KHDRBS2: variants seen among roughly 807,000 people sequenced by gnomAD.
The protein encoded by KHDRBS2 is KH RNA binding domain containing, signal transduction associated 2.
Under a neutral mutation model 44.3 loss-of-function variants are expected in KHDRBS2, and 26 were observed. The observed-to-expected ratio is 0.59, with a 90% CI of 0.43 to 0.81. KHDRBS2 has a LOEUF of 0.81. KHDRBS2 is among the 40% of genes least tolerant of loss of function. The pLI is 0.00. For missense variants in KHDRBS2, 476 were observed against 433.1 expected (o/e 1.10, Z -0.88); for synonymous variants, 194 against 151.1 (o/e 1.28, Z -2.08).
chr6:61,841,699 A>G (rs1429858195), intron 6 of KHDRBS2, among the ~76,000 whole-genome samples: 1 of 152,202 alleles, frequency 6.6e-6, no homozygotes, highest in Non-Finnish European at 1.5e-5. Context: ...ATCATTTACA[A>G]CACTTAGCAT....
chr6:61,775,453 CA>C (rs1433961809), intron 6 of KHDRBS2, among the ~76,000 whole-genome samples: 15 of 152,108 alleles, frequency 9.9e-5, no homozygotes, highest in Non-Finnish European at 1.9e-4. Context: ...TCTCAGGATA[CA>C]AAAATCAATG....
intron 1 of KHDRBS2, among the ~76,000 whole-genome samples, chr6:62,243,602 T>C (rs1221466300): frequency 2.0e-5 from 2 of 100,292 alleles, no homozygotes; most frequent in East Asian, 5.1e-4. Flanking sequence ...ATCATACCTA[T>C]ACAAAAAAAA....
chr6:62,158,816 A>C lies in KHDRBS2; in HGVS notation c.219+18369T>G, dbSNP rs115076991. On this transcript the variant is annotated intron_variant, in intron 2 of 8. Coordinates refer to ENST00000281156, the MANE Select transcript of KHDRBS2 (RefSeq NM_152688.4). ...AAAAATAATGACCTATTTTTTTCAT[A>C]TTCTTGCTTTTTTTTTAAACCTTAG... Among the ~76,000 whole-genome samples, 937 of 152,038 alleles carry C rather than the reference A, an allele frequency of 6.2e-3. 10 individuals carry two copies. Among genetic ancestry groups the C allele is most frequent in the African/African-American group, 0.02 (827 of 41,506 alleles).
intron 4 of KHDRBS2, among the ~76,000 whole-genome samples, chr6:61,933,494 T>C (rs1562467808): frequency 6.6e-6 from 1 of 152,178 alleles, no homozygotes; most frequent in Non-Finnish European, 1.5e-5. Context: ...TGCTTAACCA[T>C]GGGGATACAT....
intron 6 of KHDRBS2, chr6:61,814,080 A>C (rs1788532547): frequency 2.2e-6 from 1 of 455,694 alleles, no homozygotes; most frequent in African/African-American, 2.0e-5. Context: ...GCTGTGGCTG[A>C]AAATTTATAC....
intron 2 of KHDRBS2, among the ~76,000 whole-genome samples, chr6:62,101,056 GCAAGA>G (rs374301086): frequency 1.1e-4 from 16 of 152,262 alleles, no homozygotes; most frequent in African/African-American, 3.9e-4. Flanking sequence ...CTTTTTTACA[GCAAGA>G]CAAGCATTAT....
intron 2 of KHDRBS2, among the ~76,000 whole-genome samples, chr6:62,069,888 G>A (rs1794584212): frequency 6.6e-6 from 1 of 151,724 alleles, no homozygotes; most frequent in East Asian, 1.9e-4. Context: ...ATATTTTATA[G>A]TAGTAAATGA....
At chr6:61,836,714 A>T (rs1364081359) in intron 6 of KHDRBS2, among the ~76,000 whole-genome samples, 1 of 151,998 alleles carries the variant, frequency 6.6e-6, no homozygotes, top group Non-Finnish European at 1.5e-5. Context: ...TAAAAGTAAT[A>T]ACACCATGGC....
At chr6:61,602,932 C>T in the KHDRBS2 span, among the ~76,000 whole-genome samples, 1 of 152,034 alleles carries the variant, frequency 6.6e-6, no homozygotes, top group African/African-American at 2.4e-5. Context: ...ACGTCATTGC[C>T]ACCTTTCCCC....
At chr6:62,116,636 T>A (rs1562900045) in intron 2 of KHDRBS2, among the ~76,000 whole-genome samples, 1 of 152,196 alleles carries the variant, frequency 6.6e-6, no homozygotes, top group Non-Finnish European at 1.5e-5. Flanking sequence ...GTTTTAGTTA[T>A]TTTGAAGTAT....
intron 1 of KHDRBS2, among the ~76,000 whole-genome samples, chr6:62,208,953 T>C (rs900491759): frequency 6.6e-6 from 1 of 152,206 alleles, no homozygotes; most frequent in African/African-American, 2.4e-5. Context: ...AATGATTTTT[T>C]GTATATCACA....
intron 2 of KHDRBS2, among the ~76,000 whole-genome samples, chr6:62,113,991 G>T (rs1488031837): frequency 1.3e-5 from 2 of 152,096 alleles, no homozygotes; most frequent in African/African-American, 2.4e-5. Flanking sequence ...GGCAGAAGGG[G>T]AAGCAAACAC....
intron 1 of KHDRBS2, among the ~76,000 whole-genome samples, chr6:62,213,953 A>T (rs755355783): frequency 3.3e-5 from 5 of 150,570 alleles, no homozygotes; most frequent in African/African-American, 7.3e-5. Context: ...TGTTTTCTCA[A>T]ATAGATTTTC....
intron 2 of KHDRBS2, among the ~76,000 whole-genome samples, chr6:62,148,076 C>T (rs1157998538): frequency 6.6e-6 from 1 of 152,008 alleles, no homozygotes; most frequent in Non-Finnish European, 1.5e-5. Flanking sequence ...ATTTACAGAG[C>T]AGACTGACTT....
intron 4 of KHDRBS2, among the ~76,000 whole-genome samples, chr6:61,903,029 G>A (rs1414357209): frequency 6.6e-6 from 1 of 152,118 alleles, no homozygotes; most frequent in Non-Finnish European, 1.5e-5. Context: ...AACACAGTTA[G>A]CTGACAAAAG....
the KHDRBS2 span, among the ~76,000 whole-genome samples, chr6:61,566,305 G>C: frequency 6.6e-6 from 1 of 152,226 alleles, no homozygotes; most frequent in African/African-American, 2.4e-5. Context: ...GATAGTAGGA[G>C]TGAGAACTAG....
At chr6:62,005,811 C>T (rs990130705) in intron 3 of KHDRBS2, among the ~76,000 whole-genome samples, 2 of 151,726 alleles carry the variant, frequency 1.3e-5, no homozygotes, top group African/African-American at 4.8e-5. Context: ...ATCAAAACCA[C>T]TAAATAGAGC....
At chr6:61,772,046 A>G (rs1781012148) in intron 6 of KHDRBS2, among the ~76,000 whole-genome samples, 1 of 152,322 alleles carries the variant, frequency 6.6e-6, no homozygotes, top group Admixed American at 6.5e-5. Context: ...CCACATGGAA[A>G]CTGAACAACC....
the KHDRBS2 span, among the ~76,000 whole-genome samples, chr6:61,649,419 G>C: frequency 1.3e-5 from 2 of 152,104 alleles, no homozygotes; most frequent in African/African-American, 4.8e-5. Flanking sequence ...GGGCTTTTGG[G>C]CTAGTGGGTG....
Sources: allele counts gnomAD v4.1 joint callset (sites outside exome capture counted in the v4.1 genomes callset), GRCh38; gene constraint gnomAD v4.1.1; transcripts MANE v1.5; gene names NCBI Gene and HGNC (gene_info 2026-07-23, HGNC 2026-07-21).